RBFOX1: variants seen among roughly 807,000 people sequenced by gnomAD.
The protein encoded by RBFOX1 is RNA binding fox-1 homolog 1.
In RBFOX1, 8 loss-of-function variants were observed where a neutral mutation model predicts 57.7. The observed-to-expected ratio is 0.14, with a 90% CI of 0.08 to 0.25. The LOEUF is 0.25. Among genes scored for constraint, RBFOX1 ranks in the 10% least tolerant of loss-of-function variants. RBFOX1 has a pLI of 1.00. For synonymous variants in RBFOX1, 326 were observed against 222.4 expected (o/e 1.47, Z -4.15); for missense variants, 611 against 548.5 (o/e 1.11, Z -1.14).
At chr16:6,961,693 A>T (rs1018280685) in intron 3 of RBFOX1, among the ~76,000 whole-genome samples, 2 of 152,074 alleles carry the variant, frequency 1.3e-5, no homozygotes, top group African/African-American at 4.8e-5. Context: ...CTTCCTCTGG[A>T]GGTGAGGTTC....
At chr16:5,888,250 C>T (rs1399552548) in intron 4 of RBFOX1, among the ~76,000 whole-genome samples, 2 of 152,172 alleles carry the variant, frequency 1.3e-5, no homozygotes, top group Non-Finnish European at 2.9e-5. Context: ...TGGCCAGGTC[C>T]TCTTCTTCCT....
At chr16:7,494,148 G>A (rs894386437) in intron 4 of RBFOX1, among the ~76,000 whole-genome samples, 2 of 152,272 alleles carry the variant, frequency 1.3e-5, no homozygotes, top group East Asian at 1.9e-4. Flanking sequence ...TAATTCACAT[G>A]GCCCCACTTT....
intron 1 of RBFOX1, among the ~76,000 whole-genome samples, chr16:5,420,093 C>A (rs1024009803): frequency 2.0e-5 from 3 of 152,192 alleles, no homozygotes; most frequent in African/African-American, 7.2e-5. Context: ...GGTGCTGTTT[C>A]AAGCTGCCAG....
chr16:7,460,473 T>C (rs1482096014), intron 4 of RBFOX1, among the ~76,000 whole-genome samples: 1 of 145,748 alleles, frequency 6.9e-6, no homozygotes, highest in Non-Finnish European at 1.5e-5. Context: ...CTAATATATA[T>C]CTAATTATGT....
At chr16:7,454,025 G>C (rs981286706) in intron 4 of RBFOX1, among the ~76,000 whole-genome samples, 4 of 152,188 alleles carry the variant, frequency 2.6e-5, no homozygotes, top group Non-Finnish European at 1.5e-5. Flanking sequence ...CTGAGGTCAG[G>C]AGTTCCAGAC....
chr16:6,904,899 C>G (rs930105339), intron 3 of RBFOX1, among the ~76,000 whole-genome samples: 1 of 152,090 alleles, frequency 6.6e-6, no homozygotes, highest in Non-Finnish European at 1.5e-5. Context: ...ACAAATTCCC[C>G]TGTTCCCAAT....
At chr16:6,511,982 G>C (rs538962118) in intron 2 of RBFOX1, among the ~76,000 whole-genome samples, 1 of 152,012 alleles carries the variant, frequency 6.6e-6, no homozygotes, top group Non-Finnish European at 1.5e-5. Context: ...ACAGGGATAA[G>C]AGAACAAGCA....
intron 3 of RBFOX1, among the ~76,000 whole-genome samples, chr16:6,818,411 A>G (rs889530087): frequency 3.3e-5 from 5 of 152,308 alleles, no homozygotes; most frequent in African/African-American, 7.2e-5. Context: ...CATCTGACGT[A>G]CAGATCCATG....
intron 1 of RBFOX1, among the ~76,000 whole-genome samples, chr16:5,454,923 C>A (rs1412860678): frequency 2.6e-5 from 1 of 38,424 alleles, no homozygotes; most frequent in Non-Finnish European, 5.3e-5. Context: ...TCCTTTGTTT[C>A]TTTCTTCCTT....
At chr16:7,433,369 C>G (rs951713639) in intron 4 of RBFOX1, among the ~76,000 whole-genome samples, 10 of 152,306 alleles carry the variant, frequency 6.6e-5, no homozygotes, top group Non-Finnish European at 5.9e-5. Context: ...GATACTTTTT[C>G]TCCTCCCCAC....
intron 2 of RBFOX1, among the ~76,000 whole-genome samples, chr16:6,373,892 T>C (rs78643755): frequency 0.022 from 3,353 of 152,300 alleles, 125 homozygotes; most frequent in African/African-American, 0.073. Context: ...TGGTTCCTTT[T>C]TGTCTTTCAG....
intron 4 of RBFOX1, among the ~76,000 whole-genome samples, chr16:7,230,524 C>T (rs956295060): frequency 1.3e-5 from 2 of 152,134 alleles, no homozygotes; most frequent in South Asian, 2.1e-4. Context: ...TGAAGCACTG[C>T]TTGACAGATT....
intron 2 of RBFOX1, among the ~76,000 whole-genome samples, chr16:6,386,863 G>C (rs1332177574): frequency 6.6e-6 from 1 of 152,178 alleles, no homozygotes; most frequent in Non-Finnish European, 1.5e-5. Flanking sequence ...GGGAAGTATG[G>C]GTGGTGAGAA....
In RBFOX1 at chr16:6,128,183, T is replaced by C. The variant is rs547767440; in HGVS notation, c.-127+108191T>C. 3.9e-5 allele frequency among the ~76,000 whole-genome samples: 6 copies of C among 152,360 alleles called. No homozygotes were observed. The South Asian group carries it at 1.2e-3, about 32-fold the overall frequency. On this transcript the variant is annotated intron_variant, in intron 1 of 15. Transcript: ENST00000550418. ...GACAATTTTTGTATCAATTATTCAA[T>C]AGAATAAACTTTTGATATATTGGGT...
chr16:5,491,346 G>T (rs2042822331), intron 2 of RBFOX1, among the ~76,000 whole-genome samples: 1 of 152,058 alleles, frequency 6.6e-6, no homozygotes, highest in Non-Finnish European at 1.5e-5. Context: ...ATCGCCAAAG[G>T]TTAATTTTGC....
chr16:7,452,288 T>A (rs1305113763), intron 4 of RBFOX1, among the ~76,000 whole-genome samples: 1 of 152,200 alleles, frequency 6.6e-6, no homozygotes, highest in Non-Finnish European at 1.5e-5. Context: ...CTTGACAATT[T>A]CCATGAAAAA....
chr16:7,540,853 C>G (rs543487407), intron 5 of RBFOX1, among the ~76,000 whole-genome samples: 1 of 152,294 alleles, frequency 6.6e-6, no homozygotes, highest in East Asian at 1.9e-4. Flanking sequence ...AGTCTTATCA[C>G]TTTCCTTAAA....
intron 4 of RBFOX1, among the ~76,000 whole-genome samples, chr16:6,002,119 G>T (rs764708303): frequency 3.7e-4 from 56 of 151,958 alleles, no homozygotes; most frequent in Non-Finnish European, 1.0e-4. Flanking sequence ...CTACAAGCAT[G>T]CACCACCATG....
intron 1 of RBFOX1, among the ~76,000 whole-genome samples, chr16:6,232,487 C>T (rs545801829): frequency 6.6e-6 from 1 of 152,316 alleles, no homozygotes; most frequent in South Asian, 2.1e-4. Context: ...AACTGGATTT[C>T]ATCTTCATGA....
Sources: allele counts gnomAD v4.1 joint callset (sites outside exome capture counted in the v4.1 genomes callset), GRCh38; gene constraint gnomAD v4.1.1; transcripts MANE v1.5; gene names NCBI Gene and HGNC (gene_info 2026-07-23, HGNC 2026-07-21).